Variants in ADGRL2 observed in about 807,000 individuals in gnomAD.
ADGRL2 encodes adhesion G protein-coupled receptor L2.
A neutral mutation model predicts 157.4 loss-of-function variants in ADGRL2; 44 were observed. The ratio of observed to expected loss-of-function variants is 0.28; its 90% confidence interval spans 0.22 to 0.36. ADGRL2 has a LOEUF of 0.36. ADGRL2 is among the 10% of genes least tolerant of loss of function. The pLI, the probability that ADGRL2 is intolerant of heterozygous loss-of-function variation, is 1.00. For synonymous variants in ADGRL2, 585 were observed against 624.7 expected (o/e 0.94, Z 0.95); for missense variants, 1,510 against 1,768.9 (o/e 0.85, Z 2.63).
At chr1:81,987,265 A>G (rs1454983076) in intron 22 of ADGRL2, 1 of 1,580,322 alleles carries the variant, frequency 6.3e-7, no homozygotes, top group South Asian at 1.1e-5. Flanking sequence ...CACAGGTGGC[A>G]TAAATCTTAA....
chr1:81,445,835 C>A (rs190644982), intron 2 of ADGRL2, among the ~76,000 whole-genome samples: 53 of 152,310 alleles, frequency 3.5e-4, no homozygotes, highest in Admixed American at 1.5e-3. Flanking sequence ...TACCTACTTT[C>A]AAGAGTTGTG....
intron 3 of ADGRL2, among the ~76,000 whole-genome samples, chr1:81,619,952 G>A (rs2148706687): frequency 6.7e-6 from 1 of 148,434 alleles, no homozygotes; most frequent in South Asian, 2.1e-4. Flanking sequence ...TAAAAAAAAA[G>A]AGGATAGTAA....
chr1:81,354,998 A>C (rs1287912527), intron 1 of ADGRL2, among the ~76,000 whole-genome samples: 12 of 152,226 alleles, frequency 7.9e-5, no homozygotes, highest in Admixed American at 7.2e-4. Flanking sequence ...TATAGGAAAA[A>C]AATACGTGCC....
At chr1:81,946,189 T>C (rs1649762432) in intron 6 of ADGRL2, among the ~76,000 whole-genome samples, 1 of 152,206 alleles carries the variant, frequency 6.6e-6, no homozygotes, top group Non-Finnish European at 1.5e-5. Flanking sequence ...TAAATTGTGC[T>C]ATAAAATTAT....
In ADGRL2 at chr1:81,549,117, A is replaced by C. The variant is rs2080085740; in HGVS notation, c.-247-31759A>C. ...TACTTTTGACCTCTGAGACATTTGC[A>C]ACGGCACCAGGATGTGGTTACAAAT... On this transcript the variant is annotated intron_variant, in intron 2 of 24. Coordinates refer to the ADGRL2 transcript ENST00000370721. 2.0e-5 allele frequency among the ~76,000 whole-genome samples: 3 copies of C among 152,190 alleles called. No individual in the cohort carries two copies. In the South Asian group the frequency reaches 6.2e-4, roughly 32 times the overall value.
At chr1:81,760,066 A>G (rs2085821688) in intron 1 of ADGRL2, among the ~76,000 whole-genome samples, 1 of 152,152 alleles carries the variant, frequency 6.6e-6, no homozygotes, top group Non-Finnish European at 1.5e-5. Context: ...TCTTTTTTAA[A>G]TCAATGAAGT....
At chr1:81,633,377 C>G (rs1020343727) in intron 3 of ADGRL2, among the ~76,000 whole-genome samples, 1 of 151,884 alleles carries the variant, frequency 6.6e-6, no homozygotes, top group African/African-American at 2.4e-5. Context: ...TGGCAGATCA[C>G]TTGAGTTCAG....
chr1:81,720,186 T>C (rs935542229), intron 1 of ADGRL2, among the ~76,000 whole-genome samples: 60 of 116,842 alleles, frequency 5.1e-4, no homozygotes, highest in African/African-American at 6.1e-4. Flanking sequence ...TTTCTTTTCT[T>C]TTTTTTTTTT....
intron 2 of ADGRL2, among the ~76,000 whole-genome samples, chr1:81,479,787 A>C (rs966175334): frequency 6.6e-6 from 1 of 152,198 alleles, no homozygotes; most frequent in Non-Finnish European, 1.5e-5. Flanking sequence ...TTTAACCAGG[A>C]AAGTCTTGTT....
intron 1 of ADGRL2, among the ~76,000 whole-genome samples, chr1:81,387,327 T>C (rs982432101): frequency 7.2e-5 from 11 of 152,186 alleles, no homozygotes; most frequent in African/African-American, 2.7e-4. Flanking sequence ...AAGCAGATTA[T>C]ACCAGCAAAG....
chr1:81,473,305 A>G (rs759135247), intron 2 of ADGRL2, among the ~76,000 whole-genome samples: 5 of 152,174 alleles, frequency 3.3e-5, no homozygotes, highest in African/African-American at 7.2e-5. Context: ...TTATCCCTGC[A>G]CTGTTCTGTA....
rs746793170 is a variant in ADGRL2, at chr1:81,364,703, CT to C, written c.-302+58207del. ...AACAATAGGATATTGGTAATTAATT[CT>C]TTTTTTTTTTTTCGAGACAGAGTCT... On this transcript the variant is annotated intron_variant, in intron 1 of 24. Coordinates refer to the ADGRL2 transcript ENST00000370721. Among the ~76,000 whole-genome samples, 408 of 144,130 alleles carry C rather than the reference CT, an allele frequency of 2.8e-3. 1 individual carries two copies. The highest frequency in any genetic ancestry group is 6.2e-3 in the African/African-American group (247 of 39,550). 94.6% of individuals were successfully genotyped at this position (144,130 alleles called of 152,430 possible).
At chr1:81,482,948 C>T (rs1407742671) in intron 2 of ADGRL2, among the ~76,000 whole-genome samples, 1 of 152,012 alleles carries the variant, frequency 6.6e-6, no homozygotes, top group Non-Finnish European at 1.5e-5. Flanking sequence ...ACTTTCTCTT[C>T]CATGACTACT....
intron 3 of ADGRL2, among the ~76,000 whole-genome samples, chr1:81,912,356 G>A (rs2094749757): frequency 6.6e-6 from 1 of 152,166 alleles, no homozygotes; most frequent in African/African-American, 2.4e-5. Flanking sequence ...ACAGGCGGGA[G>A]CCACTGCACC....
Position 81,777,169 on chromosome 1 carries a change from A to G in ADGRL2, c.-101+15317A>G, listed in dbSNP as rs72715802. On this transcript the variant is annotated intron_variant, in intron 2 of 20. Transcript: ENST00000359929. Reference sequence around the variant, plus strand: ...TCTTCTGTAAAATAATACTTCCAGAACTGAGCATGGTAATCTAAACAATTT... The same window carrying G: ...TCTTCTGTAAAATAATACTTCCAGAGCTGAGCATGGTAATCTAAACAATTT... 3.9e-3 allele frequency among the ~76,000 whole-genome samples: 588 copies of G among 152,328 alleles called. 2 individuals are homozygous for G. The highest frequency in any genetic ancestry group is 5.3e-3 in the Admixed American group (81 of 15,304).
chr1:81,860,104 A>G lies in ADGRL2; in HGVS notation c.73+23047A>G, dbSNP rs946538269. 5.9e-5 allele frequency among the ~76,000 whole-genome samples: 9 copies of G among 152,100 alleles called. No homozygotes were observed. In the East Asian group the frequency reaches 1.4e-3, roughly 23 times the overall value. On this transcript the variant is annotated intron_variant, in intron 2 of 23. Transcript: ENST00000686636. ...CTGGGCGTAATGGCAGGTGCTTGTA[A>G]TCCCAGCTACTCAGGAGGCTGAGGC... is the stretch of plus-strand genomic sequence containing the variant.
intron 1 of ADGRL2, among the ~76,000 whole-genome samples, chr1:81,702,723 A>C (rs895426866): frequency 6.6e-6 from 1 of 152,224 alleles, no homozygotes; most frequent in African/African-American, 2.4e-5. Context: ...ATATTAAAAA[A>C]TATTTGTTAT....
intron 3 of ADGRL2, among the ~76,000 whole-genome samples, chr1:81,933,435 G>T (rs1414912312): frequency 6.6e-6 from 1 of 152,312 alleles, no homozygotes; most frequent in East Asian, 1.9e-4. Flanking sequence ...AGAAAGTCAT[G>T]CCAGGAACTG....
At chr1:81,426,940 T>G (rs1371003915) in intron 1 of ADGRL2, 1 of 714,550 alleles carries the variant, frequency 1.4e-6, no homozygotes, top group Non-Finnish European at 2.6e-6. Context: ...ACAGACAGAG[T>G]GAAAAAAAGG....
Sources: allele counts gnomAD v4.1 joint callset (sites outside exome capture counted in the v4.1 genomes callset), GRCh38; gene constraint gnomAD v4.1.1; transcripts MANE v1.5; gene names NCBI Gene and HGNC (gene_info 2026-07-23, HGNC 2026-07-21).